The following KCNIP4 variants were observed in gnomAD, a reference collection of about 807,000 sequenced individuals.
KCNIP4 encodes the protein potassium voltage-gated channel interacting protein 4, also known as Kv channel-interacting protein 4.
A neutral mutation model predicts 34.0 loss-of-function variants in KCNIP4; 12 were observed. The ratio of observed to expected loss-of-function variants is 0.35; its 90% CI spans 0.23 to 0.57. The LOEUF (loss-of-function observed/expected upper bound fraction) is 0.57, where lower values mean the gene tolerates loss of function less well. KCNIP4 is among the 20% of genes least tolerant of loss of function. KCNIP4 has a pLI of 0.83. For synonymous variants in KCNIP4, 124 were observed against 102.2 expected (o/e 1.21, Z -1.29); for missense variants, 238 against 311.7 (o/e 0.76, Z 1.78).
At position 20,814,304 on chromosome 4, in the gene KCNIP4, G is replaced by A. The variant is rs367948387; in HGVS notation, c.288+36239C>T. 1.8e-4 allele frequency among the ~76,000 whole-genome samples: 28 copies of A among 152,230 alleles called. No individual in the cohort carries two copies. The East Asian group carries it at 3.1e-3, about 17-fold the overall frequency. ...CACCTCACAGGATAGGCAGAGAATCGCTGTTTCACCCAAAGGCCCTCTCAT... is the reference window on the plus strand; with the variant it reads ...CACCTCACAGGATAGGCAGAGAATCACTGTTTCACCCAAAGGCCCTCTCAT... On this transcript the variant is annotated intron_variant, in intron 3 of 8. Transcript: ENST00000382152.
At chr4:21,212,827 A>G (rs1757314563) in intron 1 of KCNIP4, among the ~76,000 whole-genome samples, 1 of 152,170 alleles carries the variant, frequency 6.6e-6, no homozygotes, top group South Asian at 2.1e-4. Flanking sequence ...GTGGGTTAGG[A>G]TTTCAAAATA....
chr4:21,414,074 C>T (rs1424320165), intron 1 of KCNIP4, among the ~76,000 whole-genome samples: 2 of 151,672 alleles, frequency 1.3e-5, no homozygotes, highest in South Asian at 2.1e-4. Context: ...TACATTCTAG[C>T]AGAGGAAGTT....
At chr4:21,105,456 G>A (rs1748428239) in intron 1 of KCNIP4, among the ~76,000 whole-genome samples, 1 of 151,692 alleles carries the variant, frequency 6.6e-6, no homozygotes, top group South Asian at 2.1e-4. Context: ...TGTATCCTGA[G>A]ATTTGCTGAA....
chr4:21,894,122 A>C (rs1235541784), intron 1 of KCNIP4, among the ~76,000 whole-genome samples: 3 of 152,056 alleles, frequency 2.0e-5, no homozygotes, highest in Admixed American at 2.0e-4. Context: ...GCTAGAGGTC[A>C]GAAGCTCAAG....
At chr4:20,855,564 C>T (rs1171581276) in intron 2 of KCNIP4, among the ~76,000 whole-genome samples, 3 of 152,028 alleles carry the variant, frequency 2.0e-5, no homozygotes, top group Non-Finnish European at 4.4e-5. Flanking sequence ...TACTCTGCCT[C>T]ACTGAGAGCA....
At chr4:21,883,793 C>T (rs566894750) in intron 1 of KCNIP4, among the ~76,000 whole-genome samples, 41 of 152,160 alleles carry the variant, frequency 2.7e-4, no homozygotes, top group African/African-American at 8.9e-4. Context: ...AAATTCCTGG[C>T]CTATAGCAAT....
At chr4:21,276,363 T>C (rs1451613659) in intron 1 of KCNIP4, among the ~76,000 whole-genome samples, 11 of 47,624 alleles carry the variant, frequency 2.3e-4, no homozygotes, top group East Asian at 6.4e-4. Context: ...GATTTTCTCT[T>C]TTTTTTTTTT....
intron 1 of KCNIP4, among the ~76,000 whole-genome samples, chr4:21,183,469 G>GTTTTTT (rs3080812): frequency 7.8e-6 from 1 of 128,302 alleles, no homozygotes; most frequent in African/African-American, 2.9e-5. Context: ...TGTTGTTTTT[G>GTTTTTT]TTTTTTTTTT....
intron 1 of KCNIP4, among the ~76,000 whole-genome samples, chr4:21,908,093 A>T (rs571750939): frequency 7.9e-5 from 12 of 152,286 alleles, no homozygotes; most frequent in Admixed American, 3.9e-4. Flanking sequence ...AATAATAAAA[A>T]TAAATAGAAT....
chr4:21,765,298 T>C (rs1032281089), intron 1 of KCNIP4, among the ~76,000 whole-genome samples: 6 of 151,276 alleles, frequency 4.0e-5, no homozygotes, highest in African/African-American at 1.5e-4. Flanking sequence ...TAGGGCAGAA[T>C]CTAATCCTTT....
At chr4:21,813,305 A>G (rs1275354251) in intron 1 of KCNIP4, among the ~76,000 whole-genome samples, 3 of 152,234 alleles carry the variant, frequency 2.0e-5, no homozygotes, top group East Asian at 1.9e-4. Context: ...AGGAGAAAAA[A>G]TGTATTTTAA....
intron 1 of KCNIP4, among the ~76,000 whole-genome samples, chr4:21,865,890 A>G (rs1253126533): frequency 1.3e-5 from 2 of 150,890 alleles, no homozygotes; most frequent in African/African-American, 4.8e-5. Flanking sequence ...AAAGGTTTCA[A>G]TCATACATTT....
In KCNIP4 at chr4:21,867,923, C is replaced by T. The variant is rs544433624; in HGVS notation, c.61+80648G>A. Among the ~76,000 whole-genome samples, 6 of 152,158 alleles carry T rather than the reference C, an allele frequency of 3.9e-5. No individual in the cohort carries two copies. In the East Asian group the frequency reaches 1.2e-3, roughly 29 times the overall value. ...GATGTCCAAATGATCTTCAAGAATC[C>T]TTTCGGGTCATTCTAGTGCACCCTA... On this transcript the variant is annotated intron_variant, in intron 1 of 8. Coordinates refer to ENST00000382152, the MANE Select transcript of KCNIP4 (RefSeq NM_025221.6).
chr4:21,935,017 A>G (rs895563914), intron 1 of KCNIP4, among the ~76,000 whole-genome samples: 1 of 152,062 alleles, frequency 6.6e-6, no homozygotes, highest in Non-Finnish European at 1.5e-5. Context: ...TGTCATCTGA[A>G]TAATATCCTC....
chr4:21,120,113 C>A (rs920282978), intron 1 of KCNIP4, among the ~76,000 whole-genome samples: 1 of 152,088 alleles, frequency 6.6e-6, no homozygotes, highest in African/African-American at 2.4e-5. Context: ...GGTACTTGGC[C>A]CATGTTTCTA....
intron 1 of KCNIP4, among the ~76,000 whole-genome samples, chr4:21,135,059 G>A (rs186981062): frequency 2.4e-4 from 37 of 152,294 alleles, no homozygotes; most frequent in Admixed American, 1.9e-3. Flanking sequence ...GGTAAACTCC[G>A]AGATCTTTTA....
intron 1 of KCNIP4, among the ~76,000 whole-genome samples, chr4:21,831,291 G>T (rs1480593808): frequency 6.6e-6 from 1 of 151,596 alleles, no homozygotes; most frequent in African/African-American, 2.4e-5. Flanking sequence ...AAGAAGGAAG[G>T]AAATAAAAGT....
At chr4:21,808,935 C>A (rs1721461906) in intron 1 of KCNIP4, among the ~76,000 whole-genome samples, 1 of 152,168 alleles carries the variant, frequency 6.6e-6, no homozygotes, top group Non-Finnish European at 1.5e-5. Context: ...ACACACCATG[C>A]CAGGCTTCAC....
chr4:20,961,720 T>C (rs1733869663), intron 1 of KCNIP4, among the ~76,000 whole-genome samples: 1 of 152,210 alleles, frequency 6.6e-6, no homozygotes, highest in Non-Finnish European at 1.5e-5. Context: ...CTGAAAATTC[T>C]GATCTCAGAG....
Sources: allele counts gnomAD v4.1 joint callset (sites outside exome capture counted in the v4.1 genomes callset), GRCh38; gene constraint gnomAD v4.1.1; transcripts MANE v1.5; gene names NCBI Gene and HGNC (gene_info 2026-07-23, HGNC 2026-07-21).